The following SLC30A8 variants were observed in gnomAD, a reference collection of about 807,000 sequenced individuals.
SLC30A8 encodes solute carrier family 30 member 8.
In SLC30A8, 27 loss-of-function variants were observed where a neutral mutation model predicts 36.9. The ratio of observed to expected loss-of-function variants is 0.73; its 90% CI spans 0.54 to 1.01. The LOEUF is 1.01. SLC30A8 is among the 50% of genes least tolerant of loss of function. The pLI is 0.00. For synonymous variants in SLC30A8, 164 were observed against 172.4 expected (o/e 0.95, Z 0.38); for missense variants, 439 against 452.0 (o/e 0.97, Z 0.26).
intron 2 of SLC30A8, among the ~76,000 whole-genome samples, chr8:117,119,021 GT>G (rs1350434780): frequency 2.0e-5 from 3 of 151,870 alleles, no homozygotes; most frequent in African/African-American, 7.3e-5. Flanking sequence ...AGTCAACTAA[GT>G]TAGCCTCCTT....
chr8:117,140,951 A>G (rs1207585496), intron 1 of SLC30A8, among the ~76,000 whole-genome samples: 1 of 152,108 alleles, frequency 6.6e-6, no homozygotes, highest in Non-Finnish European at 1.5e-5. Context: ...GGATAAATTC[A>G]TAGAAAGACA....
chr8:117,162,207 T>A (rs1343139043), intron 5 of SLC30A8, among the ~76,000 whole-genome samples: 1 of 152,234 alleles, frequency 6.6e-6, no homozygotes, highest in East Asian at 1.9e-4. Flanking sequence ...AATTTTGATA[T>A]CTAGGTTTTA....
chr8:117,037,020 A>AG (rs1817235039), intron 1 of SLC30A8, among the ~76,000 whole-genome samples: 1 of 120,234 alleles, frequency 8.3e-6, no homozygotes. Flanking sequence ...CTAGCACATC[A>AG]ATTTTTAAAT....
chr8:116,968,427 G>T (rs2130610378), intron 1 of SLC30A8, among the ~76,000 whole-genome samples: 1 of 150,964 alleles, frequency 6.6e-6, no homozygotes, highest in South Asian at 2.1e-4. Flanking sequence ...GTACTCAATA[G>T]CTGTGAGTCA....
At chr8:116,964,476 A>G (rs527717945) in intron 1 of SLC30A8, among the ~76,000 whole-genome samples, 6 of 152,284 alleles carry the variant, frequency 3.9e-5, no homozygotes, top group African/African-American at 1.4e-4. Context: ...AACTCTAATT[A>G]AGGGGGGCAG....
At chr8:116,985,617 A>G (rs1815418096) in intron 1 of SLC30A8, among the ~76,000 whole-genome samples, 1 of 152,160 alleles carries the variant, frequency 6.6e-6, no homozygotes, top group Admixed American at 6.6e-5. Context: ...TAAATTACAG[A>G]TACAATTTTA....
rs1322295059 is a variant in SLC30A8 at position 117,163,580 on chromosome 8, A to G, written c.829+50A>G. On this transcript the variant is annotated intron_variant, in intron 6 of 7. Transcript: ENST00000456015. ...CCAGAGTCAGTGTTTTCTCTTCCCT[A>G]GAATCACAAAAGGGAATGGCTACAA... The G allele has an allele frequency of 3.6e-6, 5 of 1,378,448 alleles. No homozygotes were observed. The African/African-American group carries it at 4.3e-5, about 12-fold the overall frequency. The allele number at this position is 1,378,448 out of a possible 1,614,324, so 85.4% of individuals were successfully genotyped here. A position where few individuals can be genotyped will look rare whatever the true frequency, so the allele number is the denominator to read the frequency against.
At chr8:116,982,816 A>AT (rs1291845988) in intron 1 of SLC30A8, among the ~76,000 whole-genome samples, 1 of 152,156 alleles carries the variant, frequency 6.6e-6, no homozygotes, top group East Asian at 1.9e-4. Context: ...AAAAAAATTA[A>AT]TTCATGCTCC....
chr8:117,042,589 T>G (rs985601812), intron 2 of SLC30A8, among the ~76,000 whole-genome samples: 1 of 152,142 alleles, frequency 6.6e-6, no homozygotes, highest in Admixed American at 6.5e-5. Context: ...AAAGTCCTGC[T>G]TTGGGAGTCA....
intron 2 of SLC30A8, among the ~76,000 whole-genome samples, chr8:117,115,771 G>A (rs1820417426): frequency 6.6e-6 from 1 of 152,012 alleles, no homozygotes; most frequent in South Asian, 2.1e-4. Flanking sequence ...CATTGAGGCT[G>A]TGGCATATGA....
chr8:117,154,571 G>A (rs1822375936), intron 3 of SLC30A8, among the ~76,000 whole-genome samples: 1 of 152,170 alleles, frequency 6.6e-6, no homozygotes. Flanking sequence ...CAGGTGTTTT[G>A]ACTTGCTTCC....
intron 1 of SLC30A8, among the ~76,000 whole-genome samples, chr8:117,138,069 A>G (rs1289953136): frequency 1.3e-5 from 2 of 150,572 alleles, no homozygotes; most frequent in Non-Finnish European, 3.0e-5. Flanking sequence ...GCAAAAAAAA[A>G]AAAAAAAAAA....
intron 2 of SLC30A8, among the ~76,000 whole-genome samples, chr8:117,079,979 A>G (rs1258469111): frequency 1.3e-5 from 2 of 152,108 alleles, no homozygotes; most frequent in Admixed American, 6.6e-5. Flanking sequence ...CAGGCCCTCT[A>G]CTCTGCACTT....
At chr8:117,012,667 A>C (rs1816380007) in intron 1 of SLC30A8, among the ~76,000 whole-genome samples, 1 of 140,342 alleles carries the variant, frequency 7.1e-6, no homozygotes, top group Non-Finnish European at 1.6e-5. Context: ...ACTGTATATA[A>C]GTGTGTGTGT....
chr8:117,138,286 A>C (rs1821465223), intron 1 of SLC30A8, among the ~76,000 whole-genome samples: 1 of 151,984 alleles, frequency 6.6e-6, no homozygotes, highest in South Asian at 2.1e-4. Context: ...AAAAATTATA[A>C]AAAAGAAATG....
At chr8:116,990,951 A>T (rs1262362781) in intron 1 of SLC30A8, among the ~76,000 whole-genome samples, 2 of 144,868 alleles carry the variant, frequency 1.4e-5, no homozygotes, top group African/African-American at 5.8e-5. Flanking sequence ...AGAAAGACTG[A>T]GAGAGAGAGA....
chr8:117,090,212 T>G (rs1378231200), intron 2 of SLC30A8, among the ~76,000 whole-genome samples: 1 of 152,140 alleles, frequency 6.6e-6, no homozygotes, highest in Non-Finnish European at 1.5e-5. Context: ...TCTGCCTGGG[T>G]CAGCCTCCCA....
chr8:117,130,195 T>C (rs960671635), upstream of SLC30A8: 1 of 151,998 alleles, frequency 6.6e-6, no homozygotes, highest in African/African-American at 2.4e-5. Context: ...GAAAGACAGC[T>C]GCTGTCCCTT....
At chr8:117,084,213 A>G (rs2130816178) in intron 2 of SLC30A8, among the ~76,000 whole-genome samples, 1 of 152,230 alleles carries the variant, frequency 6.6e-6, no homozygotes, top group East Asian at 1.9e-4. Flanking sequence ...AGCGGAGAAG[A>G]GGAGAAGAAT....
Sources: gnomAD v4.1 joint callset for allele counts (sites outside exome capture counted in the v4.1 genomes callset) on GRCh38, gnomAD v4.1.1 for gene constraint, MANE v1.5 for transcripts, NCBI Gene and HGNC (gene_info 2026-07-23, HGNC 2026-07-21) for gene names.